The following TBCK variants were observed in gnomAD, a reference collection of about 807,000 sequenced individuals.
TBCK encodes the protein TBC domain-containing protein kinase-like protein.
In TBCK, 99 loss-of-function variants were observed where a neutral mutation model predicts 113.4. That is an observed-to-expected ratio of 0.87 (90% CI 0.74 to 1.03). The LOEUF (loss-of-function observed/expected upper bound fraction) is 1.03, where lower values mean the gene tolerates loss of function less well. TBCK is among the 50% of genes least tolerant of loss of function. The pLI is 0.00. For synonymous variants in TBCK, 369 were observed against 370.8 expected, an observed-to-expected ratio of 1.00 and a Z score of 0.05; for missense variants, 1,045 against 1,061.3, an observed-to-expected ratio of 0.98 and a Z score of 0.21.
Position 106,193,630 on chromosome 4 carries a change from G to T in TBCK, c.2038C>A (p.Leu680Ile). ...ATACCTGGTAAATCGGAGAAGAGAA[G>T]AATACACTCATTAAAGCCATTAGCC... The part of the protein sequence containing the change: ...LLANGFNECI[L>I]LFSDLPEIDI... The change falls in exon 22 of 26, where the codon CTT (leucine) becomes ATT (isoleucine). Residue 680 changes from leucine (L) to isoleucine (I), a missense_variant. Leu to Ile is a conservative substitution (Grantham distance 5, BLOSUM62 2). Coordinates refer to ENST00000394708, the MANE Select transcript of TBCK (RefSeq NM_001163435.3). 6.2e-7 allele frequency: 1 copy of T among 1,613,314 alleles called. No homozygotes were observed. Among genetic ancestry groups the T allele is most frequent in the Non-Finnish European group, 8.5e-7 (1 of 1,179,558 alleles).
Position 106,236,519 on chromosome 4 carries a change from G to T in TBCK, c.1221C>A (p.Asp407Glu). 6.7e-7 allele frequency: 1 copy of T among 1,498,116 alleles called. No homozygotes were observed. Among genetic ancestry groups the T allele is most frequent in the Non-Finnish European group, 8.9e-7 (1 of 1,127,736 alleles). The allele number at this position is 1,498,116 out of a possible 1,614,324, so 92.8% of individuals were successfully genotyped here. The change falls in exon 14 of 26, where the codon GAC (aspartate) becomes GAA (glutamate). Residue 407 changes from aspartate to glutamate, a missense_variant and splice_region_variant. Transcript: ENST00000394708. Reference sequence around the variant, plus strand: ...TGTTTGAATGAGGTAAATTAGACTGGCTGTAAAAGAGAACAAAAGCAATAA... The same window carrying T: ...TGTTTGAATGAGGTAAATTAGACTGTCTGTAAAAGAGAACAAAAGCAATAA... ...GEAFYPLLED[D>E]QSNLPHSNSN...
Position 106,171,288 on chromosome 4 carries a change from A to G in TBCK, c.2060-18T>C. The G allele has an allele frequency of 6.3e-7, 1 of 1,588,084 alleles. No homozygotes were observed. Among genetic ancestry groups the G allele is most frequent in the Middle Eastern group, 1.7e-4 (1 of 5,968 alleles). On this transcript the variant is annotated intron_variant, in intron 22 of 25. Coordinates refer to ENST00000394708, the MANE Select transcript of TBCK (RefSeq NM_001163435.3). Reference sequence around the variant, plus strand: ...GTCAATTTCTAGATAGAAATGTTTTAAAAAAGCAAATGTATAGAATTTAGA... The same window carrying G: ...GTCAATTTCTAGATAGAAATGTTTTGAAAAAGCAAATGTATAGAATTTAGA...
intron 22 of TBCK, among the ~76,000 whole-genome samples, chr4:106,185,452 T>G (rs1306892773): frequency 1.3e-5 from 2 of 151,616 alleles, no homozygotes; most frequent in Non-Finnish European, 2.9e-5. Context: ...TTGTATAACT[T>G]TATACTCACT....
Position 106,251,940 on chromosome 4 carries a change from T to A in TBCK, c.523A>T (p.Ser175Cys). 6.2e-7 allele frequency: 1 copy of A among 1,612,214 alleles called. No individual in the cohort carries two copies. Among genetic ancestry groups the A allele is most frequent in the Non-Finnish European group, 8.5e-7 (1 of 1,178,714 alleles). The change falls in exon 6 of 26, where the codon AGT becomes TGT. Residue 175 changes from serine to cysteine, a missense_variant. Ser to Cys is a moderately radical substitution (Grantham distance 112). Coordinates refer to ENST00000394708, the MANE Select transcript of TBCK (RefSeq NM_001163435.3). ...GIFKTTDHMP[S>C]KKPLPSGPKS... ...GGGCCAGAAGGCAATGGTTTTTTACTTGGCATGTGATCAGTGGTTTTGAAA... is the reference window on the plus strand; with the variant it reads ...GGGCCAGAAGGCAATGGTTTTTTACATGGCATGTGATCAGTGGTTTTGAAA...
chr4:106,309,406 G>A (rs1009418059), intron 1 of TBCK, among the ~76,000 whole-genome samples: 4 of 142,514 alleles, frequency 2.8e-5, no homozygotes, highest in African/African-American at 7.9e-5. Context: ...TCTGCCTCCC[G>A]GGTTCAAGCA....
chr4:106,286,070 C>CTGAA (rs1198039198), intron 3 of TBCK, among the ~76,000 whole-genome samples: 2 of 152,126 alleles, frequency 1.3e-5, no homozygotes, highest in Non-Finnish European at 2.9e-5. Flanking sequence ...GCAGTAAGTA[C>CTGAA]TGAATGTTAT....
chr4:106,302,995 T>C (rs1211567771), intron 2 of TBCK, among the ~76,000 whole-genome samples: 1 of 152,244 alleles, frequency 6.6e-6, no homozygotes, highest in Non-Finnish European at 1.5e-5. Context: ...GAGCTATCTA[T>C]AGTCTACTAT....
chr4:106,128,423 G>A (rs115097430), intron 23 of TBCK, among the ~76,000 whole-genome samples: 2,742 of 152,196 alleles, frequency 0.018, 26 homozygotes, highest in Middle Eastern at 0.034. Flanking sequence ...AGAATAATCC[G>A]AGGAAAATCC....
chr4:106,094,204 G>T (rs1459463078), intron 25 of TBCK, among the ~76,000 whole-genome samples: 1 of 152,078 alleles, frequency 6.6e-6, no homozygotes, highest in Non-Finnish European at 1.5e-5. Context: ...ACTCGCTCTA[G>T]GAATAAAAGA....
intron 25 of TBCK, among the ~76,000 whole-genome samples, chr4:106,052,794 A>T (rs1734952834): frequency 6.6e-6 from 1 of 151,704 alleles, no homozygotes; most frequent in South Asian, 2.1e-4. Flanking sequence ...AGAAAGGTAT[A>T]ACGAGCTGCT....
intron 2 of TBCK, among the ~76,000 whole-genome samples, chr4:106,299,017 T>C (rs1045491747): frequency 2.0e-5 from 3 of 152,144 alleles, no homozygotes; most frequent in Admixed American, 1.3e-4. Context: ...TCAGATAATA[T>C]ATTTTATGAT....
chr4:106,049,241 T>G (rs1734542142), intron 25 of TBCK, among the ~76,000 whole-genome samples: 1 of 152,026 alleles, frequency 6.6e-6, no homozygotes, highest in Non-Finnish European at 1.5e-5. Flanking sequence ...TTGGAGTGCT[T>G]AGAGTTCAGT....
chr4:106,103,719 G>A (rs565119143), intron 24 of TBCK, among the ~76,000 whole-genome samples: 13 of 152,284 alleles, frequency 8.5e-5, no homozygotes, highest in South Asian at 2.1e-4. Flanking sequence ...GCTAGTGTGC[G>A]TGGCTAGAAG....
chr4:106,074,472 C>T (rs189254945), intron 25 of TBCK, among the ~76,000 whole-genome samples: 21 of 152,300 alleles, frequency 1.4e-4, no homozygotes, highest in Non-Finnish European at 2.9e-4. Flanking sequence ...TATGCCTAAT[C>T]TAAAATCTTC....
intron 24 of TBCK, among the ~76,000 whole-genome samples, chr4:106,114,273 G>A (rs1045877174): frequency 1.3e-5 from 2 of 152,218 alleles, no homozygotes. Flanking sequence ...CAACAGCTTC[G>A]GAAATGGATT....
intron 23 of TBCK, among the ~76,000 whole-genome samples, chr4:106,170,770 T>C (rs1750893481): frequency 6.6e-6 from 1 of 152,070 alleles, no homozygotes; most frequent in Non-Finnish European, 1.5e-5. Context: ...TATTAACAAC[T>C]CTTTTTCTAT....
At chr4:106,250,552 T>C (rs1560908973) in intron 6 of TBCK, 74 bp from the exon 7 acceptor site, 5 of 745,694 alleles carry the variant, frequency 6.7e-6, no homozygotes, top group Admixed American at 5.7e-5. Context: ...TCTCCCCTTA[T>C]AGCTGAAACT....
intron 23 of TBCK, among the ~76,000 whole-genome samples, chr4:106,158,483 A>T (rs1469757081): frequency 6.6e-6 from 1 of 152,190 alleles, no homozygotes; most frequent in African/African-American, 2.4e-5. Flanking sequence ...CAGATTAATA[A>T]ACAAAAGTTT....
intron 18 of TBCK, among the ~76,000 whole-genome samples, chr4:106,230,707 C>A (rs551436572): frequency 1.3e-5 from 2 of 151,894 alleles, no homozygotes; most frequent in Non-Finnish European, 2.9e-5. Context: ...ACAATAATCA[C>A]AACTTTTATT....
Sources: gnomAD v4.1 joint callset for allele counts (sites outside exome capture counted in the v4.1 genomes callset) on GRCh38, gnomAD v4.1.1 for gene constraint, MANE v1.5 for transcripts, NCBI Gene and HGNC (gene_info 2026-07-23, HGNC 2026-07-21) for gene names.